The following WDR90 variants were observed in gnomAD, a reference collection of about 807,000 sequenced individuals.
WDR90 encodes the protein WD repeat-containing protein 90.
A neutral mutation model predicts 195.2 loss-of-function variants in WDR90; 238 were observed. That is an observed-to-expected ratio of 1.22 (90% CI 1.10 to 1.36). The LOEUF is 1.36. WDR90 is among the 40% of genes most tolerant of loss of function. The pLI, the probability that WDR90 is intolerant of heterozygous loss-of-function variation, is 0.00. For synonymous variants in WDR90, 1,265 were observed against 1,052.4 expected (o/e 1.20, Z -3.91); for missense variants, 2,734 against 2,439.5 (o/e 1.12, Z -2.54).
chr16:653,511 C>G lies in WDR90; in HGVS notation c.1234-14C>G. On this transcript the variant is annotated splice_polypyrimidine_tract_variant and intron_variant, in intron 11 of 40. Coordinates refer to ENST00000293879, the MANE Select transcript of WDR90 (RefSeq NM_145294.5). Reference sequence around the variant, plus strand: ...TGCAGCCCCTACACCCTCCCTCACCCTTCTGCCTCCTAGGTCTCCGCCCTG... The same window carrying G: ...TGCAGCCCCTACACCCTCCCTCACCGTTCTGCCTCCTAGGTCTCCGCCCTG... 6.2e-7 allele frequency: 1 copy of G among 1,612,866 alleles called. No individual in the cohort carries two copies. The highest frequency in any genetic ancestry group is 8.5e-7 in the Non-Finnish European group (1 of 1,179,526).
In WDR90 at chr16:651,077, C is replaced by G; in HGVS notation, c.642C>G (p.Ser214Arg). The G allele has an allele frequency of 6.2e-7, 1 of 1,610,550 alleles. No individual in the cohort carries two copies. The change falls in exon 6 of 41, where the codon AGC (serine) becomes AGG (arginine). Residue 214 changes from serine to arginine, a missense_variant. Transcript: ENST00000293879. ...CATTCCCTGTGCCCAAGGGAGAGAG[C>G]TGGCATGACCGCTACATCCACGTCC... ...EMAFPVPKGE[S>R]WHDRYIHVRF...
In WDR90 at chr16:653,736, C is replaced by T. The variant is rs754816181; in HGVS notation, c.1380-10C>T. On this transcript the variant is annotated splice_polypyrimidine_tract_variant and intron_variant, in intron 12 of 40. Coordinates refer to ENST00000293879, the MANE Select transcript of WDR90 (RefSeq NM_145294.5). ...CCAGGCGACAATGACCACCTCCTCC[C>T]TGTTCACAGCTTCTCTGACAGCGGG... 36 of 1,613,222 alleles carry T rather than the reference C, an allele frequency of 2.2e-5. No homozygotes were observed. Among genetic ancestry groups the T allele is most frequent in the Non-Finnish European group, 2.8e-5 (33 of 1,180,008 alleles).
Position 655,352 on chromosome 16 carries a change from T to A in WDR90, c.1602T>A (p.Arg534=). 1 of 1,602,316 alleles carries A rather than the reference T, an allele frequency of 6.2e-7. No homozygotes were observed. Among genetic ancestry groups the A allele is most frequent in the Non-Finnish European group, 8.5e-7 (1 of 1,179,204 alleles). The change falls in exon 15 of 41, where the codon CGT becomes CGA. Residue 534 remains arginine (R), a synonymous_variant. Coordinates refer to ENST00000293879, the MANE Select transcript of WDR90 (RefSeq NM_145294.5). ...GQGSVRLWRL[R]GGVLRSCPVD... ...GCAGTGTGCGGCTCTGGCGGCTGCG[T>A]GGCGGGGTGCTGCGTTCCTGCCCCG...
chr16:658,654 G>T lies in WDR90; in HGVS notation c.2895+1G>T, dbSNP rs764945605. 1.2e-6 allele frequency: 2 copies of T among 1,606,828 alleles called. No homozygotes were observed. The highest frequency in any genetic ancestry group is 2.2e-5 in the East Asian group (1 of 44,694). ...CACACAGGCCAGCCCAGGCCCCCAG[G>T]TGTGTGCGTGGGGAGGCAGGTGGCT... On this transcript the variant is annotated splice_donor_variant, in intron 23 of 40. Transcript: ENST00000293879. LOFTEE classifies it high-confidence loss of function.
intron 17 of WDR90, 74 bp from the exon 18 acceptor site, chr16:656,228 C>T (rs776014720): frequency 2.4e-5 from 33 of 1,387,472 alleles, no homozygotes; most frequent in Non-Finnish European, 2.5e-5. Flanking sequence ...GCTGGGGTGT[C>T]GGGGACCCGA....
intron 33 of WDR90, 133 bp downstream of exon 33, chr16:662,464 G>A: frequency 1.6e-6 from 2 of 1,286,616 alleles, no homozygotes; most frequent in Non-Finnish European, 2.1e-6. Flanking sequence ...CCAAGGGACA[G>A]GCTTGGGTGT....
In WDR90 at chr16:666,708, C is replaced by G; in HGVS notation, c.4920C>G (p.Phe1640Leu). The change falls in exon 39 of 41, where the codon TTC becomes TTG. Residue 1640 changes from phenylalanine (F) to leucine (L), a missense_variant. Transcript: ENST00000293879. ...ACCTGCCACCCTCCCTCGCTGCCTTCTGCCCTTGGGATGGGGCGCTCCTGA... is the reference window on the plus strand; with the variant it reads ...ACCTGCCACCCTCCCTCGCTGCCTTGTGCCCTTGGGATGGGGCGCTCCTGA... ...QGHLPPSLAA[F>L]CPWDGALLMY... is the part of the protein sequence containing the mutation. 2 of 1,612,850 alleles carry G rather than the reference C, an allele frequency of 1.2e-6. No homozygotes were observed. The highest frequency in any genetic ancestry group is 1.7e-6 in the Non-Finnish European group (2 of 1,179,980).
chr16:658,299 CAG>C lies in WDR90; in HGVS notation c.2724_2725del (p.Arg908SerfsTer21). 5 of 1,612,632 alleles carry C rather than the reference CAG, an allele frequency of 3.1e-6. No homozygotes were observed. Among genetic ancestry groups the C allele is most frequent in the Non-Finnish European group, 4.2e-6 (5 of 1,179,886 alleles). On this transcript the variant is annotated frameshift_variant, in exon 22 of 41. Coordinates refer to ENST00000293879, the MANE Select transcript of WDR90 (RefSeq NM_145294.5). LOFTEE classifies it high-confidence loss of function. The stretch of plus-strand genomic sequence containing the variant: ...ACCTGCTGGTGTCCACCTCGTCCAA[CAG>C]AGTCGTGGTGCTGGATGCTGTGTCG... ...GHLLVSTSSN[R>X]VVVLDAVSGR...
chr16:655,198 G>C (rs1039317861), intron 14 of WDR90, 51 bp downstream of exon 14: 6 of 1,611,780 alleles, frequency 3.7e-6, no homozygotes, highest in Non-Finnish European at 3.4e-6. Flanking sequence ...GGCCCGGAGT[G>C]GGGGCCGAGG....
In WDR90 at chr16:662,840, G is replaced by A. The variant is rs2151338907; in HGVS notation, c.4307G>A (p.Ser1436Asn). 2.6e-6 allele frequency: 4 copies of A among 1,560,448 alleles called. No homozygotes were observed. In the South Asian group the frequency reaches 4.6e-5, roughly 18 times the overall value. The change falls in exon 34 of 41, where the codon AGC becomes AAC. Residue 1436 changes from serine to asparagine, a missense_variant. By Grantham distance (46) the Ser-to-Asn change is conservative (BLOSUM62 1). Coordinates refer to ENST00000293879, the MANE Select transcript of WDR90 (RefSeq NM_145294.5). ...ACACGTCTCATCAGTGGCCACAGGA[G>A]CAAGGTGAGGGACTTCCAGCCTGGG... Reference protein sequence around the residue: ...TSTRLISGHRSKVNEVVFSPG... With the variant: ...TSTRLISGHRNKVNEVVFSPG...
In WDR90 at chr16:660,100, A is replaced by T; in HGVS notation, c.3227A>T (p.Tyr1076Phe). The stretch of plus-strand genomic sequence containing the variant: ...AATTCGGGGGCCCCACGCACCACCT[A>T]CCTGGCTTCCTGCAAGGCCTTCACG... Reference protein sequence around the residue: ...TRNSGAPRTTYLASCKAFTPA... With the variant: ...TRNSGAPRTTFLASCKAFTPA... The change falls in exon 27 of 41, where the codon TAC becomes TTC. Residue 1076 changes from tyrosine (Y) to phenylalanine (F), a missense_variant. Transcript: ENST00000293879. 6.5e-7 allele frequency: 1 copy of T among 1,548,368 alleles called. No individual in the cohort carries two copies. The highest frequency in any genetic ancestry group is 2.0e-5 in the Admixed American group (1 of 50,948).
In WDR90 at chr16:657,830, C is replaced by G. The variant is rs748991474; in HGVS notation, c.2542C>G (p.Leu848Val). The G allele has an allele frequency of 1.1e-5, 18 of 1,579,250 alleles. No homozygotes were observed. The Admixed American group carries it at 3.3e-4, about 29-fold the overall frequency. ...GGCAGTCAGCAGGGATGGCCGCCTG[C>G]TGGCCTTTGTGGGACCCTCCAGGTG... is the stretch of plus-strand genomic sequence containing the variant. ...ALAVSRDGRL[L>V]AFVGPSRCTV... Residue 848 changes from leucine (L) to valine (V), a missense_variant, in exon 21 of 41, where the codon CTG (leucine) becomes GTG (valine). Transcript: ENST00000293879.
At position 661,373 on chromosome 16, in the gene WDR90, C is replaced by G; in HGVS notation, c.3545C>G (p.Thr1182Arg). 2 of 1,609,564 alleles carry G rather than the reference C, an allele frequency of 1.2e-6. No individual in the cohort carries two copies. The highest frequency in any genetic ancestry group is 1.7e-6 in the Non-Finnish European group (2 of 1,179,398). The change falls in exon 30 of 41, where the codon ACG (threonine) becomes AGG (arginine). Residue 1182 changes from threonine to arginine, a missense_variant. By Grantham distance (71) the Thr-to-Arg change is moderately conservative. Transcript: ENST00000293879. ...GCCTCTGCCTCGGGCCGAAGCAGCA[C>G]GACCGCCCATTGTCAGATCCGCGTC... ...VLASASGRSS[T>R]TAHCQIRVWD...
rs1567212977 is a variant in WDR90, at chr16:649,867, G to T, written c.102+13G>T. 1 of 1,575,038 alleles carries T rather than the reference G, an allele frequency of 6.3e-7. No homozygotes were observed. The highest frequency in any genetic ancestry group is 8.6e-7 in the Non-Finnish European group (1 of 1,161,102). On this transcript the variant is annotated intron_variant, in intron 2 of 40. Coordinates refer to ENST00000293879, the MANE Select transcript of WDR90 (RefSeq NM_145294.5). ...GGCCGTGGTCACGGTAGGCGGCCGG[G>T]GGCTCGCCCGGAGCCCACACCCCTG...
Position 667,604 on chromosome 16 carries a change from T to TGTG in WDR90, c.*23_*25dup. On this transcript the variant is annotated 3_prime_UTR_variant, in exon 41 of 41. Coordinates refer to ENST00000293879, the MANE Select transcript of WDR90 (RefSeq NM_145294.5). ...CCGGCCTCTGAGATGCAGCAGGGAC[T>TGTG]GTGGTGGTGGGCATCACGCCTGGTC... The TGTG allele has an allele frequency of 6.2e-7, 1 of 1,604,272 alleles. No individual in the cohort carries two copies. Among genetic ancestry groups the TGTG allele is most frequent in the South Asian group, 1.1e-5 (1 of 91,038 alleles).
rs551717245 is a variant in WDR90, at chr16:650,126, C to G, written c.238C>G (p.Pro80Ala). Reference protein sequence around the residue: ...RYLYVLFRPLPSKHFVIHLDV... With the variant: ...RYLYVLFRPLASKHFVIHLDV... ...CCTGTATGTGCTCTTTCGGCCCCTGCCCAGCAAGCACTTCGTCATCCACCT... is the reference window on the plus strand; with the variant it reads ...CCTGTATGTGCTCTTTCGGCCCCTGGCCAGCAAGCACTTCGTCATCCACCT... Residue 80 changes from proline (P) to alanine (A), a missense_variant, in exon 3 of 41, where the codon CCC (proline) becomes GCC (alanine). By Grantham distance (27) the Pro-to-Ala change is conservative (BLOSUM62 -1). Transcript: ENST00000293879. 2 of 1,613,082 alleles carry G rather than the reference C, an allele frequency of 1.2e-6. No homozygotes were observed. Among genetic ancestry groups the G allele is most frequent in the South Asian group, 2.2e-5 (2 of 91,088 alleles).
Position 660,349 on chromosome 16 carries a change from G to A in WDR90, c.3288+188G>A, listed in dbSNP as rs145041661. 2.4e-3 allele frequency among the ~76,000 whole-genome samples: 372 copies of A among 152,264 alleles called. 4 individuals are homozygous for A. Among genetic ancestry groups the A allele is most frequent in the African/African-American group, 8.3e-3 (347 of 41,564 alleles). The stretch of plus-strand genomic sequence containing the variant: ...CCTGCCCTCCGCTGGCCTCCAGACG[G>A]GACTCTGTGGTGGCCTCCTGCTGAC... On this transcript the variant is annotated intron_variant, in intron 27 of 40. Coordinates refer to ENST00000293879, the MANE Select transcript of WDR90 (RefSeq NM_145294.5).
chr16:656,127 G>T (rs2037748536), intron 17 of WDR90, 175 bp from the exon 18 acceptor site: 3 of 768,562 alleles, frequency 3.9e-6, no homozygotes, highest in African/African-American at 1.8e-5. Context: ...CCTCAGCCTG[G>T]GTCCCGCCTA....
rs1205732351 is a variant in WDR90, at chr16:651,818, C to T, written c.841-9C>T. ...CCCAGGACGCTGATGGGCACTTGTC[C>T]CCCAGCAGTCCGGCCGGGCCGCCTT... On this transcript the variant is annotated splice_polypyrimidine_tract_variant and intron_variant, in intron 8 of 40. Transcript: ENST00000293879. 2.5e-6 allele frequency: 4 copies of T among 1,610,946 alleles called. No individual in the cohort carries two copies. Among genetic ancestry groups the T allele is most frequent in the South Asian group, 2.2e-5 (2 of 91,050 alleles).
Sources: gnomAD v4.1 joint callset for allele counts (sites outside exome capture counted in the v4.1 genomes callset) on GRCh38, gnomAD v4.1.1 for gene constraint, MANE v1.5 for transcripts, NCBI Gene and HGNC (gene_info 2026-07-23, HGNC 2026-07-21) for gene names.